The following BEST3 variants were observed in gnomAD, a reference collection of about 807,000 sequenced individuals.
BEST3 encodes the protein bestrophin-3.
In BEST3, 50 loss-of-function variants were observed where a neutral mutation model predicts 47.1. The ratio of observed to expected loss-of-function variants is 1.06; its 90% CI spans 0.85 to 1.34. BEST3 has a LOEUF of 1.34. Ranked by LOEUF, BEST3 falls within the 40% of genes most tolerant of loss-of-function variation. BEST3 has a pLI of 0.00. For synonymous variants in BEST3, 282 were observed against 298.8 expected (o/e 0.94, Z 0.58); for missense variants, 765 against 817.0 (o/e 0.94, Z 0.78).
intron 9 of BEST3, among the ~76,000 whole-genome samples, chr12:69,645,745 G>A (rs946910215): frequency 6.6e-6 from 1 of 152,064 alleles, no homozygotes; most frequent in Non-Finnish European, 1.5e-5. Flanking sequence ...CGTGAGGACC[G>A]ATTGAAGTGA....
At chr12:69,694,489 C>A (rs377476137) in intron 2 of BEST3, 25 bp from the exon 3 acceptor site, 2 of 1,365,934 alleles carry the variant, frequency 1.5e-6, no homozygotes, top group Admixed American at 3.7e-5. Context: ...AAATGCACAG[C>A]CCTTTATGAT....
chr12:69,659,454 A>G (rs1406081798), intron 9 of BEST3, among the ~76,000 whole-genome samples: 3 of 152,176 alleles, frequency 2.0e-5, no homozygotes, highest in Admixed American at 2.0e-4. Flanking sequence ...CTTGGGCTAA[A>G]GTGATCATCC....
At chr12:69,680,316 T>C (rs76745855) in intron 4 of BEST3, among the ~76,000 whole-genome samples, 1 of 103,468 alleles carries the variant, frequency 9.7e-6, no homozygotes, top group African/African-American at 3.5e-5. Flanking sequence ...TGATCTTTTT[T>C]TTTTTTTTTT....
intron 4 of BEST3, among the ~76,000 whole-genome samples, chr12:69,690,430 G>A (rs982253501): frequency 2.0e-5 from 3 of 152,170 alleles, no homozygotes; most frequent in Non-Finnish European, 4.4e-5. Flanking sequence ...TTTCCTATTT[G>A]CCTCCCTATA....
chr12:69,678,074 A>G (rs902929606), intron 5 of BEST3, among the ~76,000 whole-genome samples: 1 of 152,156 alleles, frequency 6.6e-6, no homozygotes, highest in Non-Finnish European at 1.5e-5. Flanking sequence ...AGCAGGAAGG[A>G]CAGGAGTCTT....
Position 69,676,952 on chromosome 12 carries a change from G to C in BEST3, c.831C>G (p.Thr277=). ...HDLDLYIPIF[T]LLQFFFYAGW... is the part of the protein sequence containing the mutation. ...CTGCATAGAAGAAGAATTGTAGGAG[G>C]GTGAAGATGGGAATGTAAAGATCCA... Residue 277 remains threonine (T), a synonymous_variant, in exon 7 of 10, where the codon ACC becomes ACG. Coordinates refer to ENST00000330891, the MANE Select transcript of BEST3 (RefSeq NM_032735.3). 5 of 1,614,024 alleles carry C rather than the reference G, an allele frequency of 3.1e-6. No homozygotes were observed. The highest frequency in any genetic ancestry group is 4.2e-6 in the Non-Finnish European group (5 of 1,179,946).
rs1593164630 is a variant in BEST3 at position 69,675,088 on chromosome 12, A to C, written c.867+1828T>G. ...GGTTTGCCTATCCTTTAATGGAGCT[A>C]AGATTGTGCCTTTTAATATTTTGTC... On this transcript the variant is annotated intron_variant, in intron 7 of 9. Transcript: ENST00000330891. 3.3e-5 allele frequency among the ~76,000 whole-genome samples: 5 copies of C among 151,522 alleles called. 2 individuals carry two copies. Among genetic ancestry groups the C allele is most frequent in the Admixed American group, 3.3e-4 (5 of 15,218 alleles).
At chr12:69,684,739 C>T (rs1467180289) in intron 4 of BEST3, 3 of 457,300 alleles carry the variant, frequency 6.6e-6, no homozygotes, top group African/African-American at 2.0e-5. Flanking sequence ...AAGCCACCAG[C>T]TTCAGCTACA....
At chr12:69,689,317 G>T in intron 4 of BEST3, 6 of 957,304 alleles carry the variant, frequency 6.3e-6, no homozygotes, top group Non-Finnish European at 7.5e-6. Context: ...CAGCGCTGCC[G>T]GTGACAGCGG....
chr12:69,651,554 CT>C (rs1883210193), downstream of BEST3, among the ~76,000 whole-genome samples: 1 of 152,020 alleles, frequency 6.6e-6, no homozygotes. Flanking sequence ...GGGTGGATCA[CT>C]TGAGGTCAGG....
downstream of BEST3, among the ~76,000 whole-genome samples, chr12:69,649,814 A>G (rs1036961661): frequency 2.0e-5 from 3 of 152,258 alleles, no homozygotes; most frequent in Admixed American, 6.5e-5. Context: ...GCTGAGAGCC[A>G]CTGGCCTAGA....
At chr12:69,682,096 A>AAAAG (rs1264653107) in intron 4 of BEST3, among the ~76,000 whole-genome samples, 1 of 151,522 alleles carries the variant, frequency 6.6e-6, no homozygotes, top group Non-Finnish European at 1.5e-5. Flanking sequence ...AAAAAAAAAA[A>AAAAG]AAGAAGAAAA....
In BEST3 at chr12:69,671,534, T is replaced by A; in HGVS notation, c.994A>T (p.Met332Leu). The A allele has an allele frequency of 6.2e-7, 1 of 1,614,000 alleles. No homozygotes were observed. The highest frequency in any genetic ancestry group is 2.2e-5 in the East Asian group (1 of 44,892). ...TCGTCCCAGTAAATGTCCTTCTTCA[T>A]CTTGGGTAAGCTCATGTGCATTTCG... ...VDEMHMSLPK[M>L]KKDIYWDDSA... Residue 332 changes from methionine to leucine, a missense_variant, in exon 9 of 10, where the codon ATG (methionine) becomes TTG (leucine). Coordinates refer to ENST00000330891, the MANE Select transcript of BEST3 (RefSeq NM_032735.3).
intron 4 of BEST3, among the ~76,000 whole-genome samples, chr12:69,687,663 C>CAG: frequency 7.9e-6 from 1 of 126,638 alleles, no homozygotes; most frequent in East Asian, 2.5e-4. Flanking sequence ...GAACGTGTCT[C>CAG]AAAAAAAAAA....
intron 4 of BEST3, among the ~76,000 whole-genome samples, chr12:69,692,096 T>C (rs770176495): frequency 1.3e-5 from 2 of 152,236 alleles, no homozygotes; most frequent in Non-Finnish European, 2.9e-5. Context: ...TCAAATAAAA[T>C]GTGAAATATA....
chr12:69,681,580 G>C (rs1810703413), intron 4 of BEST3, among the ~76,000 whole-genome samples: 1 of 152,172 alleles, frequency 6.6e-6, no homozygotes, highest in South Asian at 2.1e-4. Flanking sequence ...TCAATTTATA[G>C]AGCTTTGGTG....
chr12:69,688,760 T>C (rs12320251), intron 4 of BEST3, among the ~76,000 whole-genome samples: 16,633 of 152,088 alleles, frequency 0.11, 2,945 homozygotes, highest in African/African-American at 0.37. Context: ...GGGAAACTGA[T>C]TGCCTCAAAG....
At position 69,654,072 on chromosome 12, in the gene BEST3, G is replaced by A; in HGVS notation, c.*835C>T. The A allele has an allele frequency of 1.0e-6, 1 of 985,384 alleles. No individual in the cohort carries two copies. The highest frequency in any genetic ancestry group is 4.7e-5 in the South Asian group (1 of 21,290). The allele number at this position is 985,384 out of a possible 1,614,324, so 61.0% of individuals were successfully genotyped here. A position where few individuals can be genotyped will look rare whatever the true frequency, so the allele number is the denominator to read the frequency against. Reference sequence around the variant, plus strand: ...CCATCACTCCTATATGCCTTCCACTGGAAGTGAGACTGGAAGGGTATCAGG... The same window carrying A: ...CCATCACTCCTATATGCCTTCCACTAGAAGTGAGACTGGAAGGGTATCAGG... On this transcript the variant is annotated 3_prime_UTR_variant, in exon 10 of 10. Transcript: ENST00000330891.
intron 9 of BEST3, among the ~76,000 whole-genome samples, chr12:69,669,389 G>A (rs771656467): frequency 6.6e-6 from 1 of 152,134 alleles, no homozygotes; most frequent in Non-Finnish European, 1.5e-5. Flanking sequence ...CTCCCAATAG[G>A]TTCTGGCCTT....
Sources: gnomAD v4.1 joint callset for allele counts (sites outside exome capture counted in the v4.1 genomes callset) on GRCh38, gnomAD v4.1.1 for gene constraint, MANE v1.5 for transcripts, NCBI Gene and HGNC (gene_info 2026-07-23, HGNC 2026-07-21) for gene names.